Variants in ARHGAP33 observed in about 807,000 individuals in gnomAD.
ARHGAP33 encodes rho GTPase-activating protein 33.
ARHGAP33 carries 57 observed loss-of-function variants against 126.2 expected under a neutral mutation model. The observed-to-expected ratio is 0.45, with a 90% CI of 0.36 to 0.56. The LOEUF (loss-of-function observed/expected upper bound fraction) is 0.56, where lower values mean the gene tolerates loss of function less well. Among genes scored for constraint, ARHGAP33 ranks in the 20% least tolerant of loss-of-function variants. The pLI is 0.00. For missense variants in ARHGAP33, 1,500 were observed against 1,748.3 expected (o/e 0.86, Z 2.53); for synonymous variants, 711 against 755.0 (o/e 0.94, Z 0.95).
intron 5 of ARHGAP33, 114 bp downstream of exon 5, chr19:35,778,715 C>T (rs1971587432): frequency 7.3e-7 from 1 of 1,370,206 alleles, no homozygotes. Context: ...GCCCAAGTCC[C>T]AACCAATCTG....
chr19:35,783,022 C>A, intron 15 of ARHGAP33, 153 bp downstream of exon 15: 1 of 640,316 alleles, frequency 1.6e-6, no homozygotes, highest in Admixed American at 2.7e-5. Context: ...GGACCCAGCA[C>A]TGAGCATGGC....
chr19:35,786,822 C>T lies in ARHGAP33; in HGVS notation c.2352C>T (p.Pro784=). 1.3e-6 allele frequency: 2 copies of T among 1,546,334 alleles called. No individual in the cohort carries two copies. Among genetic ancestry groups the T allele is most frequent in the Non-Finnish European group, 1.7e-6 (2 of 1,149,414 alleles). ...VTPQAISPRG[P]TSPASPAALD... ...CCCAGGCCATCTCGCCCCGGGGGCCCACCAGCCCCGCCTCGCCTGCTGCCC... is the reference window on the plus strand; with the variant it reads ...CCCAGGCCATCTCGCCCCGGGGGCCTACCAGCCCCGCCTCGCCTGCTGCCC... The change falls in exon 20 of 21, where the codon CCC becomes CCT. Residue 784 remains proline, a synonymous_variant. Transcript: ENST00000007510. The surrounding 1 kb of genome is among the most constrained non-coding windows in gnomAD (Gnocchi z 7.0).
rs1166512531 is a variant in ARHGAP33 at position 35,778,884 on chromosome 19, A to G, written c.409-148A>G. The G allele has an allele frequency of 3.9e-6, 3 of 764,162 alleles. No individual in the cohort carries two copies. The East Asian group carries it at 8.1e-5, about 21-fold the overall frequency. 47.3% of individuals were successfully genotyped at this position (764,162 alleles called of 1,614,324 possible). A position where few individuals can be genotyped will look rare whatever the true frequency, so the allele number is the denominator to read the frequency against. On this transcript the variant is annotated intron_variant, in intron 5 of 20. Transcript: ENST00000007510. ...CTTGGCCCAGCCTGCTTATTCATTC[A>G]TATGCCCATATCTCAGTACCTAACA...
rs1475347768 is a variant in ARHGAP33 at position 35,780,819 on chromosome 19, A to G, written c.829+3A>G. ...GGGTATCTCGTCTCTGACCTCAGGT[A>G]ATAGAAATAGGCGGTCAGGTCCCAG... On this transcript the variant is annotated splice_donor_region_variant and intron_variant, in intron 10 of 20. Coordinates refer to ENST00000007510, the MANE Select transcript of ARHGAP33 (RefSeq NM_001366178.1). The G allele has an allele frequency of 6.2e-7, 1 of 1,613,994 alleles. No homozygotes were observed. Among genetic ancestry groups the G allele is most frequent in the Non-Finnish European group, 8.5e-7 (1 of 1,179,996 alleles).
chr19:35,779,689 A>G (rs1354786903), intron 6 of ARHGAP33, among the ~76,000 whole-genome samples: 1 of 152,024 alleles, frequency 6.6e-6, no homozygotes, highest in Non-Finnish European at 1.5e-5. Context: ...TCAGCCTCCT[A>G]AAGTGTTGGG....
chr19:35,785,776 A>G, intron 19 of ARHGAP33: 1 of 1,248,044 alleles, frequency 8.0e-7, no homozygotes, highest in Non-Finnish European at 1.0e-6. Context: ...AGCAGCCAGA[A>G]CTAGAGCAGC....
Position 35,780,947 on chromosome 19 carries a change from C to T in ARHGAP33, c.857C>T (p.Ala286Val). The T allele has an allele frequency of 6.2e-7, 1 of 1,609,378 alleles. No homozygotes were observed. Residue 286 changes from alanine to valine, a missense_variant, in exon 11 of 21, where the codon GCC becomes GTC. Physicochemically the swap from Ala to Val is moderately conservative, Grantham distance 64 (BLOSUM62 0). Transcript: ENST00000007510. ...GTGCCACGGCCTCGTGGGAAGCTGG[C>T]CGGCCTGCTCCGCACCTTCATGCGC... ...SAVPRPRGKL[A>V]GLLRTFMRSR... is the part of the protein sequence containing the mutation.
Position 35,782,580 on chromosome 19 carries a change from C to A in ARHGAP33, c.1231-17C>A, listed in dbSNP as rs1388023453. 1.2e-6 allele frequency: 2 copies of A among 1,613,792 alleles called. No homozygotes were observed. The highest frequency in any genetic ancestry group is 1.7e-6 in the Non-Finnish European group (2 of 1,179,892). On this transcript the variant is annotated splice_polypyrimidine_tract_variant and intron_variant, in intron 13 of 20. Transcript: ENST00000007510. The surrounding 1 kb of genome is among the most constrained non-coding windows in gnomAD (Gnocchi z 4.1). ...CGCCTCTGGCCCAGACCTCATCACA[C>A]CTGCCCACCATCTCAGGAGGCCATG...
Position 35,787,601 on chromosome 19 carries a change from G to T in ARHGAP33, c.3036G>T (p.Ala1012=), listed in dbSNP as rs1292795209. ...GGGCAGGTGGCGGGGGCAGGGATGC[G>T]CCAGAGGCAGCAGCCCAGTCCCCAT... The part of the protein sequence containing the change: ...QLRAGGGGRD[A]PEAAAQSPCS... The change falls in exon 21 of 21, where the codon GCG becomes GCT. Residue 1012 remains alanine, a synonymous_variant. Transcript: ENST00000007510. 6.2e-7 allele frequency: 1 copy of T among 1,605,256 alleles called. No individual in the cohort carries two copies. Among genetic ancestry groups the T allele is most frequent in the Non-Finnish European group, 8.5e-7 (1 of 1,177,380 alleles).
chr19:35,780,169 C>A, intron 6 of ARHGAP33, 42 bp from the exon 7 acceptor site: 1 of 1,605,032 alleles, frequency 6.2e-7, no homozygotes, highest in South Asian at 1.1e-5. Context: ...GCACTAACAC[C>A]GTCTTCTGAC....
Position 35,779,040 on chromosome 19 carries a change from G to A in ARHGAP33, c.417G>A (p.Val139=). The change falls in exon 6 of 21, where the codon GTG becomes GTA. Residue 139 remains valine, a synonymous_variant. Transcript: ENST00000007510. ...TGACAACCTGCCCCCAGATGCTGGT[G>A]CCACTGCTGCTGCAGTACCTGGAGA... is the stretch of plus-strand genomic sequence containing the variant. ...PEGARAAQML[V]PLLLQYLETL... The A allele has an allele frequency of 6.5e-7, 1 of 1,550,370 alleles. No homozygotes were observed. Among genetic ancestry groups the A allele is most frequent in the African/African-American group, 1.4e-5 (1 of 73,102 alleles).
At chr19:35,785,805 C>T (rs1972082982) in intron 19 of ARHGAP33, 4 of 1,198,252 alleles carry the variant, frequency 3.3e-6, no homozygotes, top group Admixed American at 4.3e-5. Context: ...TTCTCCCCTT[C>T]GAGTTCCTCC....
At chr19:35,778,035 G>A in intron 3 of ARHGAP33, 127 bp downstream of exon 3, 1 of 1,131,124 alleles carries the variant, frequency 8.8e-7, no homozygotes, top group Non-Finnish European at 1.3e-6. Context: ...TGAGCAGTCA[G>A]TAGCAAAAGT....
rs774827954 is a variant in ARHGAP33, at chr19:35,784,157, G to A, written c.1422-15G>A. 6.9e-6 allele frequency: 11 copies of A among 1,602,980 alleles called. No homozygotes were observed. Among genetic ancestry groups the A allele is most frequent in the East Asian group, 2.3e-5 (1 of 44,016 alleles). On this transcript the variant is annotated splice_polypyrimidine_tract_variant and intron_variant, in intron 15 of 20. Coordinates refer to ENST00000007510, the MANE Select transcript of ARHGAP33 (RefSeq NM_001366178.1). Reference sequence around the variant, plus strand: ...GCTCAAGGCACCCAGCCTCCCTCCCGCTCCTCCCACCCAGGTCCATGGAGC... The same window carrying A: ...GCTCAAGGCACCCAGCCTCCCTCCCACTCCTCCCACCCAGGTCCATGGAGC...
rs757650318 is a variant in ARHGAP33 at position 35,788,107 on chromosome 19, C to A, written c.3542C>A (p.Pro1181His). The change falls in exon 21 of 21, where the codon CCT becomes CAT. Residue 1181 changes from proline (P) to histidine (H), a missense_variant. Pro to His is a moderately conservative substitution (Grantham distance 77, BLOSUM62 -2). Transcript: ENST00000007510. ...NLALGPRGPS[P>H]ASSSSSSPPA... is the part of the protein sequence containing the mutation. ...GCTCTAGGGCCCAGGGGTCCCTCAC[C>A]TGCCTCTTCCTCCTCCTCTTCCCCT... 1 of 1,612,026 alleles carries A rather than the reference C, an allele frequency of 6.2e-7. No homozygotes were observed.
chr19:35,782,557 C>A lies in ARHGAP33; in HGVS notation c.1230+40C>A. On this transcript the variant is annotated intron_variant, in intron 13 of 20. Transcript: ENST00000007510. This position sits in a 1 kb window ranked among gnomAD's most constrained non-coding sequence, Gnocchi z 4.1. ...TGGCGGGACGGAGGGGGCCGGGACG[C>A]CTCTGGCCCAGACCTCATCACACCT... The A allele has an allele frequency of 6.2e-7, 1 of 1,613,686 alleles. No individual in the cohort carries two copies. The highest frequency in any genetic ancestry group is 2.2e-5 in the East Asian group (1 of 44,874).
In ARHGAP33 at chr19:35,781,086, C is replaced by T; in HGVS notation, c.982+14C>T. The T allele has an allele frequency of 1.7e-6, 1 of 599,196 alleles. No homozygotes were observed. Among genetic ancestry groups the T allele is most frequent in the Non-Finnish European group, 3.1e-6 (1 of 327,420 alleles). The allele number at this position is 599,196 out of a possible 1,614,324, so 37.1% of individuals were successfully genotyped here. On this transcript the variant is annotated intron_variant, in intron 11 of 20. Coordinates refer to ENST00000007510, the MANE Select transcript of ARHGAP33 (RefSeq NM_001366178.1). ...CAGGCCAGGATGGTGAGGCCGGGGC[C>T]CACCCACCCCACCCGTCACACCAGG...
Position 35,786,442 on chromosome 19 carries a change from C to T in ARHGAP33, c.1972C>T (p.Pro658Ser). ...GLQRLHRLRRPHSSSDAFPVG... is the reference protein window; with the variant it reads ...GLQRLHRLRRSHSSSDAFPVG... The stretch of plus-strand genomic sequence containing the variant: ...CCAGAGGCTGCACAGGCTGCGGCGA[C>T]CCCACTCCAGCAGCGACGCTTTCCC... Residue 658 changes from proline to serine, a missense_variant, in exon 20 of 21, where the codon CCC becomes TCC. Physicochemically the swap from Pro to Ser is moderately conservative, Grantham distance 74. This residue lies in a region of ARHGAP33 where 300 missense variants were observed against 291.1 expected (regional missense o/e 1.03). Transcript: ENST00000007510. This position sits in a 1 kb window ranked among gnomAD's most constrained non-coding sequence, Gnocchi z 7.0. The T allele has an allele frequency of 6.5e-7, 1 of 1,535,452 alleles. No homozygotes were observed. Among genetic ancestry groups the T allele is most frequent in the African/African-American group, 1.4e-5 (1 of 73,118 alleles).
rs1971537782 is a variant in ARHGAP33 at position 35,777,808 on chromosome 19, A to G, written c.105-16A>G. Reference sequence around the variant, plus strand: ...AGACTCAAGGAGCTGCTGGTGACGCATCCCCTGTCTCCCAGGCTCTCAGCT... The same window carrying G: ...AGACTCAAGGAGCTGCTGGTGACGCGTCCCCTGTCTCCCAGGCTCTCAGCT... On this transcript the variant is annotated splice_polypyrimidine_tract_variant and intron_variant, in intron 2 of 20. Coordinates refer to ENST00000007510, the MANE Select transcript of ARHGAP33 (RefSeq NM_001366178.1). 1 of 1,614,148 alleles carries G rather than the reference A, an allele frequency of 6.2e-7. No homozygotes were observed. Among genetic ancestry groups the G allele is most frequent in the African/African-American group, 1.3e-5 (1 of 75,046 alleles).
Sources: allele counts gnomAD v4.1 joint callset (sites outside exome capture counted in the v4.1 genomes callset), GRCh38; gene constraint gnomAD v4.1.1; regional missense constraint gnomAD v4.1.1; non-coding constraint Gnocchi (gnomAD v3.1); transcripts MANE v1.5; gene names NCBI Gene and HGNC (gene_info 2026-07-23, HGNC 2026-07-21).